Variants in CNTN5 observed in about 807,000 individuals in gnomAD.
CNTN5 encodes the protein contactin-5.
A neutral mutation model predicts 129.1 loss-of-function variants in CNTN5; 77 were observed. The observed-to-expected ratio is 0.60, with a 90% CI of 0.50 to 0.72. CNTN5 has a LOEUF of 0.72. Among genes scored for constraint, CNTN5 ranks in the 30% least tolerant of loss-of-function variants. CNTN5 has a pLI of 0.00. For synonymous variants in CNTN5, 509 were observed against 465.6 expected, an observed-to-expected ratio of 1.09 and a Z score of -1.20; for missense variants, 1,478 against 1,328.8, an observed-to-expected ratio of 1.11 and a Z score of -1.75.
At position 100,331,782 on chromosome 11, in the gene CNTN5, C is replaced by T. The variant is rs554153473; in HGVS notation, c.2731-8681C>T. Among the ~76,000 whole-genome samples, 210 of 152,092 alleles carry T rather than the reference C, an allele frequency of 1.4e-3. 1 individual carries two copies. Among genetic ancestry groups the T allele is most frequent in the African/African-American group, 4.8e-3 (198 of 41,522 alleles). ...GATGGAAATTTAAAAATTCTTTGAA[C>T]TAAATGATAGTAGTGACACAACCTA... On this transcript the variant is annotated intron_variant, in intron 21 of 24. Coordinates refer to ENST00000524871, the MANE Select transcript of CNTN5 (RefSeq NM_014361.4).
At chr11:99,309,568 T>C (rs920787122) in intron 1 of CNTN5, among the ~76,000 whole-genome samples, 1 of 152,210 alleles carries the variant, frequency 6.6e-6, no homozygotes, top group African/African-American at 2.4e-5. Context: ...TCCAAGGATC[T>C]AAGAAATATT....
At chr11:99,289,334 CTGTT>C (rs570403745) in intron 1 of CNTN5, among the ~76,000 whole-genome samples, 5 of 151,868 alleles carry the variant, frequency 3.3e-5, no homozygotes, top group South Asian at 4.1e-4. Flanking sequence ...TAGGCATAGA[CTGTT>C]TGGCTAGAAA....
chr11:100,047,179 G>A (rs1049481376), intron 9 of CNTN5, among the ~76,000 whole-genome samples: 14 of 152,108 alleles, frequency 9.2e-5, no homozygotes, highest in African/African-American at 3.4e-4. Context: ...CAGAAAACCT[G>A]AAAACCAACA....
chr11:100,287,769 G>T (rs1034967695), intron 18 of CNTN5, among the ~76,000 whole-genome samples: 2 of 152,000 alleles, frequency 1.3e-5, no homozygotes. Context: ...ATTAACTTTA[G>T]ATGTAAATGG....
intron 1 of CNTN5, among the ~76,000 whole-genome samples, chr11:99,241,317 G>GTTTTTTTTTTTTTTTTTT (rs1565430527): frequency 1.7e-5 from 1 of 60,116 alleles, no homozygotes; most frequent in African/African-American, 5.5e-5. Context: ...TTTGATTGTT[G>GTTTTTTTTTTTTTTTTTT]GTTTTTTTTT....
chr11:100,111,376 G>T (rs952232997), intron 13 of CNTN5, among the ~76,000 whole-genome samples: 1 of 152,106 alleles, frequency 6.6e-6, no homozygotes. Context: ...CAAAAAGGCA[G>T]GATACAAATG....
At chr11:99,384,425 G>T (rs1940793781) in intron 2 of CNTN5, among the ~76,000 whole-genome samples, 1 of 152,144 alleles carries the variant, frequency 6.6e-6, no homozygotes, top group African/African-American at 2.4e-5. Context: ...AGATCTGATT[G>T]ATATTTGATT....
At chr11:99,438,481 C>A (rs1239337265) in intron 2 of CNTN5, among the ~76,000 whole-genome samples, 6 of 152,070 alleles carry the variant, frequency 3.9e-5, no homozygotes, top group South Asian at 4.1e-4. Context: ...CTAAAAATAT[C>A]TTTCTGCCTT....
At chr11:100,118,870 A>C (rs1945923564) in intron 13 of CNTN5, among the ~76,000 whole-genome samples, 1 of 151,882 alleles carries the variant, frequency 6.6e-6, no homozygotes, top group Non-Finnish European at 1.5e-5. Context: ...TAGTAACTAA[A>C]AAGCATTATT....
rs181127216 is a variant in CNTN5, at chr11:99,339,714, G to A, written c.-71+14230G>A. On this transcript the variant is annotated intron_variant, in intron 2 of 24. Transcript: ENST00000524871. ...GGAGAATGGCGTGAACCCAGGAGGC[G>A]GAGCTTGCAGTGAGCTGAGATTGCG... 9.9e-5 allele frequency among the ~76,000 whole-genome samples: 15 copies of A among 151,994 alleles called. 1 individual carries two copies. The South Asian group carries it at 1.9e-3, about 19-fold the overall frequency.
At chr11:100,293,675 T>A (rs986130326) in intron 18 of CNTN5, among the ~76,000 whole-genome samples, 2 of 151,792 alleles carry the variant, frequency 1.3e-5, no homozygotes, top group Non-Finnish European at 2.9e-5. Context: ...TAAAAAATAT[T>A]TTCAGCCAAG....
At chr11:99,641,897 T>G (rs1223656240) in intron 3 of CNTN5, among the ~76,000 whole-genome samples, 1 of 152,176 alleles carries the variant, frequency 6.6e-6, no homozygotes, top group Non-Finnish European at 1.5e-5. Flanking sequence ...TTGAGAGCGT[T>G]ACTTCTTCCT....
intron 13 of CNTN5, among the ~76,000 whole-genome samples, chr11:100,111,045 C>T (rs1395467433): frequency 6.6e-6 from 1 of 151,734 alleles, no homozygotes; most frequent in Non-Finnish European, 1.5e-5. Context: ...CTTGTAATCC[C>T]AAATTTTTCT....
intron 1 of CNTN5, among the ~76,000 whole-genome samples, chr11:99,197,128 A>G (rs1212278743): frequency 6.6e-6 from 1 of 151,990 alleles, no homozygotes; most frequent in African/African-American, 2.4e-5. Flanking sequence ...GCACATTTGG[A>G]ATATTTTACA....
intron 6 of CNTN5, among the ~76,000 whole-genome samples, chr11:99,906,781 T>G (rs991720462): frequency 2.6e-5 from 4 of 152,162 alleles, no homozygotes; most frequent in Non-Finnish European, 5.9e-5. Flanking sequence ...TCCTGGGCTT[T>G]TTTTTGGTTG....
intron 2 of CNTN5, among the ~76,000 whole-genome samples, chr11:99,430,698 A>T (rs1470677190): frequency 6.6e-6 from 1 of 151,972 alleles, no homozygotes; most frequent in Non-Finnish European, 1.5e-5. Context: ...CTTTTAATTA[A>T]GCTGATTTTA....
chr11:99,841,427 T>C (rs1947486685), intron 4 of CNTN5, among the ~76,000 whole-genome samples: 1 of 152,168 alleles, frequency 6.6e-6, no homozygotes, highest in African/African-American at 2.4e-5. Context: ...CTTATACGGC[T>C]AACTTTGCAG....
At chr11:100,350,064 T>G (rs1198184526) in intron 23 of CNTN5, among the ~76,000 whole-genome samples, 1 of 151,834 alleles carries the variant, frequency 6.6e-6, no homozygotes, top group Non-Finnish European at 1.5e-5. Context: ...ACACCATGTA[T>G]CCAAATGCCG....
intron 1 of CNTN5, among the ~76,000 whole-genome samples, chr11:99,142,785 T>C (rs1396211912): frequency 6.6e-6 from 1 of 152,052 alleles, no homozygotes; most frequent in East Asian, 1.9e-4. Context: ...CCCTGCTGAC[T>C]CTCCTTGCAG....
Sources: allele counts gnomAD v4.1 joint callset (sites outside exome capture counted in the v4.1 genomes callset), GRCh38; gene constraint gnomAD v4.1.1; transcripts MANE v1.5; gene names NCBI Gene and HGNC (gene_info 2026-07-23, HGNC 2026-07-21).